Variants in CRACD observed in about 807,000 individuals in gnomAD.
CRACD encodes capping protein inhibiting regulator of actin dynamics.
Under a neutral mutation model 106.8 loss-of-function variants are expected in CRACD, and 56 were observed. The observed-to-expected ratio is 0.52, with a 90% CI of 0.42 to 0.66. The LOEUF (loss-of-function observed/expected upper bound fraction) is 0.66. Among genes scored for constraint, CRACD ranks in the 30% least tolerant of loss-of-function variants. CRACD has a pLI of 0.00. For missense variants in CRACD, 1,730 were observed against 1,623.2 expected (o/e 1.07, Z -1.13); for synonymous variants, 754 against 670.8 (o/e 1.12, Z -1.92).
At chr4:56,062,051 C>T (rs1332048688) in intron 1 of CRACD, among the ~76,000 whole-genome samples, 1 of 152,198 alleles carries the variant, frequency 6.6e-6, no homozygotes, top group African/African-American at 2.4e-5. Context: ...AAATATGCCA[C>T]TTGTGTTGGT....
At chr4:56,128,172 TA>T (rs894112151) in intron 1 of CRACD, among the ~76,000 whole-genome samples, 3 of 152,120 alleles carry the variant, frequency 2.0e-5, no homozygotes, top group Non-Finnish European at 2.9e-5. Context: ...CTGAAAGTTT[TA>T]AAAAGCTGGG....
intron 1 of CRACD, among the ~76,000 whole-genome samples, chr4:56,074,343 G>A (rs538521216): frequency 6.6e-6 from 1 of 152,252 alleles, no homozygotes; most frequent in African/African-American, 2.4e-5. Context: ...CCATTTGTTT[G>A]TGTCTTCTCT....
chr4:56,315,164 C>T lies in CRACD; in HGVS notation c.1662C>T (p.Asn554=). The change falls in exon 8 of 11, where the codon AAC becomes AAT. Residue 554 remains asparagine (N), a synonymous_variant. Transcript: ENST00000682029. The surrounding 1 kb of genome is among the most constrained non-coding windows in gnomAD (Gnocchi z 4.1). ...AGCAGATTCTCTTTCCCAAAGTCAACCTGAGCCCCGTGACGCCCGCAAAGG... is the reference window on the plus strand; with the variant it reads ...AGCAGATTCTCTTTCCCAAAGTCAATCTGAGCCCCGTGACGCCCGCAAAGG... ...GGKQILFPKV[N]LSPVTPAKDT... 6.2e-7 allele frequency: 1 copy of T among 1,603,312 alleles called. No homozygotes were observed. Among genetic ancestry groups the T allele is most frequent in the South Asian group, 1.1e-5 (1 of 89,022 alleles).
At chr4:56,269,256 G>A (rs1249230237) in intron 2 of CRACD, among the ~76,000 whole-genome samples, 5 of 151,960 alleles carry the variant, frequency 3.3e-5, no homozygotes, top group African/African-American at 4.8e-5. Context: ...GGTGGCCCAC[G>A]CCTGTAATCC....
chr4:56,304,924 G>T (rs1156820784), intron 4 of CRACD, among the ~76,000 whole-genome samples: 1 of 152,104 alleles, frequency 6.6e-6, no homozygotes, highest in Non-Finnish European at 1.5e-5. Flanking sequence ...ATTCATTAAA[G>T]AATTATCCTT....
At chr4:56,236,994 A>G (rs577134960) in intron 2 of CRACD, among the ~76,000 whole-genome samples, 11 of 152,300 alleles carry the variant, frequency 7.2e-5, no homozygotes, top group African/African-American at 2.6e-4. Flanking sequence ...TTAGCCATGT[A>G]TATTAACATT....
chr4:56,228,674 T>C (rs1325525749), intron 2 of CRACD, among the ~76,000 whole-genome samples: 1 of 147,644 alleles, frequency 6.8e-6, no homozygotes, highest in Non-Finnish European at 1.5e-5. Context: ...AAGCAGCTAG[T>C]GTGGGTTGCG....
chr4:56,067,766 G>A (rs143924814), intron 1 of CRACD, among the ~76,000 whole-genome samples: 11 of 152,122 alleles, frequency 7.2e-5, no homozygotes, highest in African/African-American at 2.6e-4. Flanking sequence ...AGTAGAGATG[G>A]GGTTTCACCA....
intron 1 of CRACD, among the ~76,000 whole-genome samples, chr4:56,132,898 A>G (rs1734876252): frequency 6.6e-6 from 1 of 152,232 alleles, no homozygotes; most frequent in Non-Finnish European, 1.5e-5. Flanking sequence ...ATAAAAATAT[A>G]TCATATAGTG....
intron 2 of CRACD, among the ~76,000 whole-genome samples, chr4:56,188,686 T>TCACACACA (rs375013824): frequency 1.1e-5 from 1 of 92,132 alleles, no homozygotes; most frequent in African/African-American, 4.9e-5. Flanking sequence ...TCTCTCTCTC[T>TCACACACA]CACACACACA....
chr4:56,324,134 A>G lies in CRACD; in HGVS notation c.3409A>G (p.Ser1137Gly). 6.2e-7 allele frequency: 1 copy of G among 1,613,592 alleles called. No homozygotes were observed. Among genetic ancestry groups the G allele is most frequent in the Non-Finnish European group, 8.5e-7 (1 of 1,179,750 alleles). ...VSVSVQPGSS[S>G]VSRAGSLHKS... ...TGTCAGCGTGCAGCCTGGAAGCAGCAGTGTCAGCAGAGCAGGTTCCCTGCA... is the reference window on the plus strand; with the variant it reads ...TGTCAGCGTGCAGCCTGGAAGCAGCGGTGTCAGCAGAGCAGGTTCCCTGCA... Residue 1137 changes from serine to glycine, a missense_variant, in exon 10 of 11, where the codon AGT (serine) becomes GGT (glycine). Ser to Gly is a moderately conservative substitution (Grantham distance 56). Around this residue, in one of 5 missense-constraint regions of CRACD, gnomAD observed 89 missense variants for 89.6 expected, o/e 0.99. Transcript: ENST00000682029.
chr4:56,164,645 A>C (rs1267418341), intron 1 of CRACD, among the ~76,000 whole-genome samples: 1 of 152,112 alleles, frequency 6.6e-6, no homozygotes, highest in African/African-American at 2.4e-5. Context: ...TGGGTACCAG[A>C]GGTTGGGGAC....
At chr4:56,102,056 G>A (rs1298672698) in intron 1 of CRACD, among the ~76,000 whole-genome samples, 1 of 152,100 alleles carries the variant, frequency 6.6e-6, no homozygotes, top group African/African-American at 2.4e-5. Context: ...ATATTTTTGT[G>A]TATGTTTCCT....
chr4:56,211,331 C>G (rs1279975679), intron 2 of CRACD, among the ~76,000 whole-genome samples: 1 of 152,172 alleles, frequency 6.6e-6, no homozygotes, highest in Non-Finnish European at 1.5e-5. Flanking sequence ...CCAGCAATGC[C>G]CCTGCCCAGG....
intron 1 of CRACD, among the ~76,000 whole-genome samples, chr4:56,140,331 A>G (rs952260631): frequency 2.0e-5 from 3 of 152,156 alleles, no homozygotes; most frequent in Non-Finnish European, 4.4e-5. Flanking sequence ...AGTTTGGGGA[A>G]GGCACATTGG....
At chr4:56,272,257 G>C (rs1471014498) in intron 2 of CRACD, 64 bp from the exon 3 acceptor site, 1 of 153,592 alleles carries the variant, frequency 6.5e-6, no homozygotes, top group Non-Finnish European at 1.5e-5. Flanking sequence ...GTTATAATTT[G>C]CTCCTTAGGC....
intron 6 of CRACD, among the ~76,000 whole-genome samples, chr4:56,311,896 A>G (rs557327887): frequency 5.4e-4 from 82 of 151,898 alleles, no homozygotes; most frequent in African/African-American, 1.9e-3. Flanking sequence ...GTGGTGTCCT[A>G]CCTTCTAATT....
intron 1 of CRACD, among the ~76,000 whole-genome samples, chr4:56,136,463 T>C (rs2109871537): frequency 6.6e-6 from 1 of 152,332 alleles, no homozygotes; most frequent in Non-Finnish European, 1.5e-5. Flanking sequence ...CTAGTGGGTG[T>C]GTCATGGTAT....
In CRACD at chr4:56,180,527, A is replaced by G. The variant is rs1047898695; in HGVS notation, c.-189+1097A>G. Among the ~76,000 whole-genome samples, 7 of 128,678 alleles carry G rather than the reference A, an allele frequency of 5.4e-5. No individual in the cohort carries two copies. The East Asian group carries it at 1.0e-3, about 19-fold the overall frequency. 84.4% of individuals were successfully genotyped at this position (128,678 alleles called of 152,430 possible). On this transcript the variant is annotated intron_variant, in intron 2 of 10. Coordinates refer to ENST00000682029, the MANE Select transcript of CRACD (RefSeq NM_001393381.1). ...AAATAAATAAATAAATAAATAAATAAATAAATAGATAGATAGCATCATATC... is the reference window on the plus strand; with the variant it reads ...AAATAAATAAATAAATAAATAAATAGATAAATAGATAGATAGCATCATATC...
Sources: gnomAD v4.1 joint callset for allele counts (sites outside exome capture counted in the v4.1 genomes callset) on GRCh38, gnomAD v4.1.1 for gene constraint, gnomAD v4.1.1 regional missense constraint, Gnocchi (gnomAD v3.1) non-coding constraint, MANE v1.5 for transcripts, NCBI Gene and HGNC (gene_info 2026-07-23, HGNC 2026-07-21) for gene names.